Variants in INTS15 observed in about 807,000 individuals in gnomAD.
The protein encoded by INTS15 is integrator complex subunit 15, also known as uncharacterized protein C7orf26.
At chr7:6,608,475 A>T in the INTS15 span, 1 of 1,246,572 alleles carries the variant, frequency 8.0e-7, no homozygotes, top group Non-Finnish European at 1.0e-6. Context: ...GTGTGACGGC[A>T]GGAGCCACGG....
the INTS15 span, among the ~76,000 whole-genome samples, chr7:6,605,048 A>G: frequency 6.6e-6 from 1 of 151,998 alleles, no homozygotes; most frequent in Non-Finnish European, 1.5e-5. Context: ...GCTAGAGTGC[A>G]GTGGTCTGAT....
the INTS15 span, chr7:6,607,893 G>C: frequency 3.8e-6 from 6 of 1,582,388 alleles, no homozygotes; most frequent in Non-Finnish European, 5.1e-6. The surrounding 1 kb of genome is among the most constrained non-coding windows in gnomAD (Gnocchi z 6.0). Flanking sequence ...GACGGGGTCA[G>C]CCTACCGTGC....
chr7:6,608,321 GGTC>G, the INTS15 span: 1 of 1,430,232 alleles, frequency 7.0e-7, no homozygotes, highest in Admixed American at 2.8e-5. Context: ...CTTCCCACCC[GGTC>G]GCATTCTTTG....
chr7:6,595,789 A>G, the INTS15 span, among the ~76,000 whole-genome samples: 1 of 151,632 alleles, frequency 6.6e-6, no homozygotes, highest in Non-Finnish European at 1.5e-5. Context: ...CTCAAGTGAT[A>G]CTCCCACCCC....
chr7:6,607,792 C>T, the INTS15 span: 1 of 1,485,106 alleles, frequency 6.7e-7, no homozygotes, highest in Non-Finnish European at 8.9e-7. This position sits in a 1 kb window ranked among gnomAD's most constrained non-coding sequence, Gnocchi z 6.0. Context: ...CTGTGGGGTC[C>T]TGGCTCTGCC....
the INTS15 span, among the ~76,000 whole-genome samples, chr7:6,594,062 G>A: frequency 1.4e-5 from 2 of 142,962 alleles, no homozygotes; most frequent in Middle Eastern, 7.5e-3. Flanking sequence ...ACGCTGGAGT[G>A]CAGTGGTGTG....
At chr7:6,591,390 C>G in the INTS15 span, among the ~76,000 whole-genome samples, 1 of 151,716 alleles carries the variant, frequency 6.6e-6, no homozygotes, top group African/African-American at 2.4e-5. Flanking sequence ...CCTAAGCCTC[C>G]CGAGTAGCTG....
chr7:6,606,567 G>A, the INTS15 span, among the ~76,000 whole-genome samples: 3 of 152,146 alleles, frequency 2.0e-5, no homozygotes, highest in Non-Finnish European at 4.4e-5. Flanking sequence ...GCAAGATCCT[G>A]GGGCAGGTCA....
the INTS15 span, chr7:6,608,143 C>T: frequency 1.3e-6 from 2 of 1,568,758 alleles, no homozygotes; most frequent in South Asian, 1.2e-5. Flanking sequence ...TGACCTTTCC[C>T]TTCAGGCCCA....
chr7:6,598,549 C>T, the INTS15 span, among the ~76,000 whole-genome samples: 16 of 150,718 alleles, frequency 1.1e-4, no homozygotes, highest in African/African-American at 3.2e-4. Context: ...GTGGGCAGGG[C>T]GGTTCATACT....
At chr7:6,606,431 C>A in the INTS15 span, among the ~76,000 whole-genome samples, 356 of 152,166 alleles carry the variant, frequency 2.3e-3, 6 homozygotes, top group Middle Eastern at 0.014. Context: ...TGTTGTGGGA[C>A]CCAGTTAGGA....
At chr7:6,601,564 G>A in the INTS15 span, among the ~76,000 whole-genome samples, 1 of 152,086 alleles carries the variant, frequency 6.6e-6, no homozygotes, top group Non-Finnish European at 1.5e-5. Flanking sequence ...CCAAAATGCT[G>A]GGATTACAGG....
chr7:6,592,365 G>C, the INTS15 span, among the ~76,000 whole-genome samples: 1 of 151,826 alleles, frequency 6.6e-6, no homozygotes, highest in African/African-American at 2.4e-5. Context: ...TCAGGAGTTT[G>C]AGACCAGCCT....
chr7:6,599,354 TGGCAGCAGCC>T, the INTS15 span, among the ~76,000 whole-genome samples: 93 of 152,210 alleles, frequency 6.1e-4, no homozygotes, highest in East Asian at 0.014. Context: ...GGACGGCCCT[TGGCAGCAGCC>T]AGATCACTGA....
chr7:6,590,396 C>T, the INTS15 span: 3 of 1,606,658 alleles, frequency 1.9e-6, no homozygotes, highest in Non-Finnish European at 2.5e-6. Flanking sequence ...GCGCCGCTGC[C>T]CATCGTGGAC....
At chr7:6,607,824 C>CCTGGACCCCCGGGTGG in the INTS15 span, 1 of 1,503,394 alleles carries the variant, frequency 6.7e-7, no homozygotes, top group South Asian at 1.3e-5. The surrounding 1 kb of genome is among the most constrained non-coding windows in gnomAD (Gnocchi z 6.0). Flanking sequence ...GTGTCCACCG[C>CCTGGACCCCCGGGTGG]CTGGACCCCC....
At chr7:6,603,822 A>G in the INTS15 span, among the ~76,000 whole-genome samples, 5 of 152,128 alleles carry the variant, frequency 3.3e-5, no homozygotes, top group East Asian at 9.7e-4. Flanking sequence ...CTGGGCAATA[A>G]GAGCAAAACT....
At chr7:6,592,529 T>C in the INTS15 span, among the ~76,000 whole-genome samples, 1 of 151,524 alleles carries the variant, frequency 6.6e-6, no homozygotes, top group Non-Finnish European at 1.5e-5. Flanking sequence ...ATTGTGTCAC[T>C]GCACTCCAGC....
chr7:6,595,894 C>T, the INTS15 span, among the ~76,000 whole-genome samples: 2 of 152,108 alleles, frequency 1.3e-5, no homozygotes, highest in African/African-American at 4.8e-5. Context: ...TCCTCCTCTG[C>T]CCTTGGCTGT....
Sources: gnomAD v4.1 joint callset for allele counts (sites outside exome capture counted in the v4.1 genomes callset) on GRCh38, gnomAD v4.1.1 for gene constraint, Gnocchi (gnomAD v3.1) non-coding constraint, MANE v1.5 for transcripts, NCBI Gene and HGNC (gene_info 2026-07-23, HGNC 2026-07-21) for gene names.